Variants in KCNJ6 observed in about 807,000 individuals in gnomAD.
The protein encoded by KCNJ6 is G protein-activated inward rectifier potassium channel 2.
A neutral mutation model predicts 34.2 loss-of-function variants in KCNJ6; 9 were observed. That is an observed-to-expected ratio of 0.26 (90% CI 0.16 to 0.46). The LOEUF (loss-of-function observed/expected upper bound fraction) is 0.46. KCNJ6 is among the 20% of genes least tolerant of loss of function. The probability of loss-of-function intolerance (pLI) is 1.00; values close to 1 mark genes in which losing one functional copy is unlikely to be tolerated. For synonymous variants in KCNJ6, 196 were observed against 207.1 expected (o/e 0.95, Z 0.46); for missense variants, 236 against 531.3 (o/e 0.44, Z 5.46).
chr21:37,905,096 G>A (rs1272465422), intron 1 of KCNJ6, among the ~76,000 whole-genome samples: 1 of 152,194 alleles, frequency 6.6e-6, no homozygotes, highest in Non-Finnish European at 1.5e-5. Context: ...CTTTCTTTGG[G>A]TGGAATCCAT....
intron 1 of KCNJ6, among the ~76,000 whole-genome samples, chr21:37,846,381 G>C (rs1407099182): frequency 1.3e-5 from 2 of 151,328 alleles, no homozygotes; most frequent in Non-Finnish European, 2.9e-5. Context: ...GTGTGTGTGT[G>C]TGTGTGTGTG....
At chr21:37,859,407 G>A (rs1207719499) in intron 1 of KCNJ6, among the ~76,000 whole-genome samples, 1 of 148,296 alleles carries the variant, frequency 6.7e-6, no homozygotes, top group East Asian at 2.0e-4. Flanking sequence ...AACAGTGGTT[G>A]TCTCTGGGAT....
At chr21:37,790,546 C>A (rs77903363) in intron 2 of KCNJ6, among the ~76,000 whole-genome samples, 1 of 152,144 alleles carries the variant, frequency 6.6e-6, no homozygotes, top group East Asian at 1.9e-4. Flanking sequence ...AATTAAATAA[C>A]CTTGCTTAAA....
In KCNJ6 at chr21:37,816,430, G is replaced by A. The variant is rs147068653; in HGVS notation, c.25+24228C>T. ...CATGTCTGTGTTGCAGTTATTACAC[G>A]TGAGTACATGCTGCTGTGATAACAG... On this transcript the variant is annotated intron_variant, in intron 2 of 3. Transcript: ENST00000609713. 4.9e-3 allele frequency among the ~76,000 whole-genome samples: 751 copies of A among 152,308 alleles called. 4 individuals are homozygous for A. The highest frequency in any genetic ancestry group is 0.017 in the African/African-American group (711 of 41,560).
chr21:37,733,992 T>A (rs2054899981), intron 2 of KCNJ6, among the ~76,000 whole-genome samples: 1 of 152,246 alleles, frequency 6.6e-6, no homozygotes, highest in African/African-American at 2.4e-5. Flanking sequence ...CCAGTTTCCA[T>A]TTAGCCTTAG....
intron 2 of KCNJ6, among the ~76,000 whole-genome samples, chr21:37,786,518 G>A (rs771219425): frequency 3.0e-4 from 45 of 152,310 alleles, no homozygotes; most frequent in Middle Eastern, 3.4e-3. Context: ...GGACACTGTC[G>A]TGTGCCCCAC....
At chr21:37,646,126 G>A (rs534527929) in intron 3 of KCNJ6, among the ~76,000 whole-genome samples, 1 of 152,256 alleles carries the variant, frequency 6.6e-6, no homozygotes, top group Non-Finnish European at 1.5e-5. Context: ...GTCTAGTTTT[G>A]AAGTATTTAT....
At chr21:37,681,014 C>T (rs6517427) in intron 3 of KCNJ6, among the ~76,000 whole-genome samples, 14,360 of 152,176 alleles carry the variant, frequency 0.094, 1,629 homozygotes, top group African/African-American at 0.27. Flanking sequence ...CAAGGGACAG[C>T]GCTCAGTAGC....
chr21:37,644,339 A>G (rs972112752), intron 3 of KCNJ6, among the ~76,000 whole-genome samples: 2 of 152,230 alleles, frequency 1.3e-5, no homozygotes, highest in African/African-American at 4.8e-5. Flanking sequence ...AAGTTTACCT[A>G]TACAACAAAC....
chr21:37,607,463 G>GAGATATAT lies in KCNJ6; in HGVS notation c.*17695_*17696insATATATCT, dbSNP rs374234390. The GAGATATAT allele has an allele frequency of 1.6e-5, 2 of 128,730 alleles. No homozygotes were observed. Among genetic ancestry groups the GAGATATAT allele is most frequent in the Non-Finnish European group, 1.6e-5 (1 of 62,278 alleles). 8.0% of individuals were successfully genotyped at this position (128,730 alleles called of 1,614,324 possible). A position where few individuals can be genotyped will look rare whatever the true frequency, so the allele number is the denominator to read the frequency against. ...TTCCCTAACACAGCGAGTTCTTAAA[G>GAGATATAT]ATATATATATATATATATATTTTTT... On this transcript the variant is annotated 3_prime_UTR_variant, in exon 4 of 4. Transcript: ENST00000609713.
chr21:37,841,104 G>T lies in KCNJ6; in HGVS notation c.-27-395C>A, dbSNP rs180867311. ...GGAGTTGATATTTTTGTAGTCATTT[G>T]GTTTCCTCTTTCCAAAAAACTAAAT... On this transcript the variant is annotated intron_variant, in intron 1 of 3. Transcript: ENST00000609713. Among the ~76,000 whole-genome samples the T allele has an allele frequency of 3.5e-3, 528 of 151,900 alleles. 8 individuals carry two copies. The highest frequency in any genetic ancestry group is 1.1e-3 in the Non-Finnish European group (73 of 67,900).
At chr21:37,743,798 T>A (rs1336602043) in intron 2 of KCNJ6, among the ~76,000 whole-genome samples, 1 of 151,764 alleles carries the variant, frequency 6.6e-6, no homozygotes, top group Non-Finnish European at 1.5e-5. Context: ...TAGACAGAGA[T>A]ACAAACACCT....
At chr21:37,746,365 G>A (rs577040279) in intron 2 of KCNJ6, among the ~76,000 whole-genome samples, 81 of 152,300 alleles carry the variant, frequency 5.3e-4, no homozygotes, top group Non-Finnish European at 1.0e-3. Flanking sequence ...GAGGTTGCAA[G>A]AGAGCCCACT....
chr21:37,861,790 C>T (rs144648474), intron 1 of KCNJ6, among the ~76,000 whole-genome samples: 162 of 152,286 alleles, frequency 1.1e-3, no homozygotes, highest in African/African-American at 3.7e-3. Context: ...GGGAACACTC[C>T]GGGCCTTGGA....
intron 1 of KCNJ6, among the ~76,000 whole-genome samples, chr21:37,854,788 T>A (rs1429168365): frequency 1.3e-5 from 2 of 152,138 alleles, no homozygotes; most frequent in African/African-American, 4.8e-5. Flanking sequence ...ACCAATACAA[T>A]AAAGGTTTAA....
intron 3 of KCNJ6, among the ~76,000 whole-genome samples, chr21:37,678,380 C>G (rs755064309): frequency 3.9e-5 from 6 of 152,140 alleles, no homozygotes; most frequent in Admixed American, 1.3e-4. Context: ...ATGTTATGGT[C>G]GGTGCTGTTT....
In KCNJ6 at chr21:37,607,482, A is replaced by ATATATATATT; in HGVS notation, c.*17676_*17677insAATATATATA. On this transcript the variant is annotated 3_prime_UTR_variant, in exon 4 of 4. Transcript: ENST00000609713. ...CTTAAAGATATATATATATATATATATTTTTTTTTTATTTTAAAAAAATTT... is the reference window on the plus strand; with the variant it reads ...CTTAAAGATATATATATATATATATATATATATATTTTTTTTTTTTATTTTAAAAAAATTT... The ATATATATATT allele has an allele frequency of 4.8e-3, 662 of 136,692 alleles. 2 individuals are homozygous for ATATATATATT. Among genetic ancestry groups the ATATATATATT allele is most frequent in the African/African-American group, 7.1e-3 (258 of 36,456 alleles). 8.5% of individuals were successfully genotyped at this position (136,692 alleles called of 1,614,324 possible).
intron 2 of KCNJ6, among the ~76,000 whole-genome samples, chr21:37,746,596 G>A (rs527367344): frequency 7.5e-4 from 114 of 152,278 alleles, no homozygotes; most frequent in Admixed American, 1.2e-3. Flanking sequence ...GACCTCTAAA[G>A]CTGGTATTCT....
chr21:37,655,780 T>C (rs2054461106), intron 3 of KCNJ6, among the ~76,000 whole-genome samples: 1 of 152,172 alleles, frequency 6.6e-6, no homozygotes, highest in Non-Finnish European at 1.5e-5. Flanking sequence ...CCAAAGGTCA[T>C]AACTAGAGGC....
Sources: allele counts gnomAD v4.1 joint callset (sites outside exome capture counted in the v4.1 genomes callset), GRCh38; gene constraint gnomAD v4.1.1; transcripts MANE v1.5; gene names NCBI Gene and HGNC (gene_info 2026-07-23, HGNC 2026-07-21).